CFAP299: variants seen among roughly 807,000 people sequenced by gnomAD.
The protein encoded by CFAP299 is cilia- and flagella-associated protein 299.
Under a neutral mutation model 27.0 loss-of-function variants are expected in CFAP299, and 21 were observed. The observed-to-expected ratio is 0.78, with a 90% CI of 0.55 to 1.12. The LOEUF (loss-of-function observed/expected upper bound fraction) is 1.12, where lower values mean the gene tolerates loss of function less well. CFAP299 is among the 50% of genes most tolerant of loss of function. The pLI is 0.00. For synonymous variants in CFAP299, 104 were observed against 98.1 expected (o/e 1.06, Z -0.36); for missense variants, 310 against 276.6 (o/e 1.12, Z -0.86).
chr4:80,697,030 TA>T (rs1368960664), intron 3 of CFAP299, among the ~76,000 whole-genome samples: 1 of 152,120 alleles, frequency 6.6e-6, no homozygotes, highest in African/African-American at 2.4e-5. Context: ...GTTAAATCAT[TA>T]AAAAAATAGT....
At chr4:80,654,659 G>T (rs1426343759) in intron 3 of CFAP299, among the ~76,000 whole-genome samples, 1 of 151,994 alleles carries the variant, frequency 6.6e-6, no homozygotes, top group Non-Finnish European at 1.5e-5. Flanking sequence ...AGGCTGAAAT[G>T]CACAGGCAAT....
rs117012066 is a variant in CFAP299 at position 80,521,413 on chromosome 4, A to G, written c.243-61680A>G. Among the ~76,000 whole-genome samples the G allele has an allele frequency of 3.1e-4, 47 of 152,318 alleles. No individual in the cohort carries two copies. In the East Asian group the frequency reaches 5.6e-3, roughly 18 times the overall value. On this transcript the variant is annotated intron_variant, in intron 2 of 5. Transcript: ENST00000358105. Reference sequence around the variant, plus strand: ...TTTTTATACTTTAATTTTATGACATAGTCTTTGGCTGTGACAAAAATAGGT... The same window carrying G: ...TTTTTATACTTTAATTTTATGACATGGTCTTTGGCTGTGACAAAAATAGGT...
rs146652751 is a variant in CFAP299 at position 80,729,181 on chromosome 4, T to C, written c.334-140812T>C. 5.0e-3 allele frequency among the ~76,000 whole-genome samples: 764 copies of C among 152,294 alleles called. 5 individuals are homozygous for C. The highest frequency in any genetic ancestry group is 8.2e-3 in the Non-Finnish European group (559 of 68,018). On this transcript the variant is annotated intron_variant, in intron 3 of 5. Coordinates refer to ENST00000358105, the MANE Select transcript of CFAP299 (RefSeq NM_152770.3). ...TTTGCTCTCTTAGGCAGAGCAGTAG[T>C]TAAGTTTCTGTGTGCAAGCTTTGAC...
chr4:80,817,192 TC>T (rs1055616507), intron 3 of CFAP299, among the ~76,000 whole-genome samples: 1 of 152,054 alleles, frequency 6.6e-6, no homozygotes, highest in African/African-American at 2.4e-5. Context: ...CTGAAGGCCA[TC>T]CCAACTCCAC....
intron 2 of CFAP299, among the ~76,000 whole-genome samples, chr4:80,434,857 G>A (rs903184057): frequency 1.3e-5 from 2 of 152,206 alleles, no homozygotes; most frequent in Admixed American, 1.3e-4. Flanking sequence ...TGGTATAATT[G>A]TCGGTTGTTA....
At chr4:80,838,799 A>T (rs1003050934) in intron 3 of CFAP299, among the ~76,000 whole-genome samples, 8 of 152,140 alleles carry the variant, frequency 5.3e-5, no homozygotes, top group Non-Finnish European at 1.2e-4. Flanking sequence ...TTATATGAAG[A>T]AAGTCAATGT....
chr4:80,478,013 A>C (rs968401592), intron 2 of CFAP299, among the ~76,000 whole-genome samples: 3 of 152,114 alleles, frequency 2.0e-5, no homozygotes, highest in African/African-American at 7.2e-5. Flanking sequence ...ATTTCCCTGG[A>C]GCAGTTATTT....
chr4:80,775,078 AAAAG>A (rs1434294969), intron 3 of CFAP299, among the ~76,000 whole-genome samples: 9 of 151,232 alleles, frequency 6.0e-5, no homozygotes, highest in Non-Finnish European at 1.3e-4. Context: ...AAATAAAAAA[AAAAG>A]AAAAAGAAAA....
At chr4:80,939,056 TCC>T (rs1737063815) in intron 4 of CFAP299, among the ~76,000 whole-genome samples, 1 of 152,206 alleles carries the variant, frequency 6.6e-6, no homozygotes, top group Non-Finnish European at 1.5e-5. Flanking sequence ...AGGGGAATGT[TCC>T]CTTTGTAGAT....
chr4:80,602,514 T>A (rs1476198419), intron 3 of CFAP299, among the ~76,000 whole-genome samples: 1 of 152,216 alleles, frequency 6.6e-6, no homozygotes, highest in African/African-American at 2.4e-5. Context: ...AATAAAGTTC[T>A]GAAAGGAGAC....
At chr4:80,642,057 G>T (rs949974604) in intron 3 of CFAP299, among the ~76,000 whole-genome samples, 1 of 152,190 alleles carries the variant, frequency 6.6e-6, no homozygotes, top group African/African-American at 2.4e-5. Context: ...TCTGCATTTA[G>T]TCTGGCCTTA....
chr4:80,921,595 G>C lies in CFAP299; in HGVS notation c.477-23215G>C, dbSNP rs531860737. Reference sequence around the variant, plus strand: ...GAGTAGGAGCAGTAAGACATGAAGGGCCATGTAAAAGCAGTAGGACAAGAA... The same window carrying C: ...GAGTAGGAGCAGTAAGACATGAAGGCCCATGTAAAAGCAGTAGGACAAGAA... On this transcript the variant is annotated intron_variant, in intron 4 of 5. Transcript: ENST00000358105. Among the ~76,000 whole-genome samples, 19 of 152,116 alleles carry C rather than the reference G, an allele frequency of 1.2e-4. 1 individual carries two copies. In the South Asian group the frequency reaches 1.5e-3, roughly 12 times the overall value.
At chr4:80,630,860 G>T (rs559840778) in intron 3 of CFAP299, among the ~76,000 whole-genome samples, 1 of 151,952 alleles carries the variant, frequency 6.6e-6, no homozygotes, top group Non-Finnish European at 1.5e-5. Flanking sequence ...ATACTTAAGA[G>T]TTACGTTAAC....
intron 2 of CFAP299, among the ~76,000 whole-genome samples, chr4:80,412,393 A>G (rs903443266): frequency 1.3e-5 from 2 of 152,186 alleles, no homozygotes; most frequent in East Asian, 1.9e-4. Flanking sequence ...GGATAAAAAG[A>G]TAAGCAAGAA....
intron 3 of CFAP299, among the ~76,000 whole-genome samples, chr4:80,613,875 G>C (rs918957151): frequency 6.6e-6 from 1 of 152,192 alleles, no homozygotes; most frequent in East Asian, 1.9e-4. Context: ...AGACAAAAAT[G>C]ATGGAGAAAA....
chr4:80,939,613 AT>A (rs987302990), intron 4 of CFAP299, among the ~76,000 whole-genome samples: 10 of 152,102 alleles, frequency 6.6e-5, no homozygotes, highest in African/African-American at 2.4e-4. Context: ...TCATATGACT[AT>A]TTTAAATAAT....
At chr4:80,366,975 A>G (rs1478724111) in intron 2 of CFAP299, among the ~76,000 whole-genome samples, 1 of 152,198 alleles carries the variant, frequency 6.6e-6, no homozygotes, top group Non-Finnish European at 1.5e-5. Context: ...ACTGCATGAT[A>G]CCATTTATAT....
chr4:80,416,968 A>G (rs1464521970), intron 2 of CFAP299, among the ~76,000 whole-genome samples: 2 of 152,224 alleles, frequency 1.3e-5, no homozygotes, highest in African/African-American at 2.4e-5. Context: ...TTAAGAAAGT[A>G]AAGGAACAAG....
At chr4:80,563,694 A>G (rs1356350810) in intron 2 of CFAP299, among the ~76,000 whole-genome samples, 1 of 152,058 alleles carries the variant, frequency 6.6e-6, no homozygotes, top group Non-Finnish European at 1.5e-5. Context: ...GGAATAATAA[A>G]GATCAGAGCA....
Sources: allele counts gnomAD v4.1 joint callset (sites outside exome capture counted in the v4.1 genomes callset), GRCh38; gene constraint gnomAD v4.1.1; transcripts MANE v1.5; gene names NCBI Gene and HGNC (gene_info 2026-07-23, HGNC 2026-07-21).